Variants in SLC22A23 observed in about 807,000 individuals in gnomAD.
SLC22A23 encodes solute carrier family 22 member 23.
In SLC22A23, 26 loss-of-function variants were observed where a neutral mutation model predicts 61.0. The observed-to-expected ratio is 0.43, with a 90% CI of 0.31 to 0.59. The LOEUF (loss-of-function observed/expected upper bound fraction) is 0.59. Ranked by LOEUF, SLC22A23 falls within the 20% of genes least tolerant of loss-of-function variation. The probability of loss-of-function intolerance (pLI) is 0.11; values close to 1 mark genes in which losing one functional copy is unlikely to be tolerated. For missense variants in SLC22A23, 796 were observed against 934.7 expected (o/e 0.85, Z 1.94); for synonymous variants, 430 against 413.9 (o/e 1.04, Z -0.47).
At chr6:3,357,284 C>T (rs528549730) in intron 3 of SLC22A23, among the ~76,000 whole-genome samples, 1 of 152,308 alleles carries the variant, frequency 6.6e-6, no homozygotes, top group Admixed American at 6.5e-5. Flanking sequence ...AGCTGGAGGA[C>T]TTATCCCAGC....
rs930423869 is a variant in SLC22A23, at chr6:3,387,451, A to G, written c.913+22737T>C. Among the ~76,000 whole-genome samples, 1 of 152,272 alleles carries G rather than the reference A, an allele frequency of 6.6e-6. No homozygotes were observed. Among genetic ancestry groups the G allele is most frequent in the African/African-American group, 2.4e-5 (1 of 41,474 alleles). The stretch of plus-strand genomic sequence containing the variant: ...CAAAAGACAAACCCAAGGAACTGTC[A>G]CAGATCAGAGGCGACTGTGGAGACA... On this transcript the variant is annotated intron_variant, in intron 3 of 9. Coordinates refer to ENST00000406686, the MANE Select transcript of SLC22A23 (RefSeq NM_015482.2). This position sits in a 1 kb window ranked among gnomAD's most constrained non-coding sequence, Gnocchi z 5.0.
chr6:3,312,871 A>C (rs914830558), intron 4 of SLC22A23: 1 of 152,194 alleles, frequency 6.6e-6, no homozygotes, highest in African/African-American at 2.4e-5. Flanking sequence ...ACACAGATGC[A>C]TGCTGCCTGC....
rs576743365 is a variant in SLC22A23 at position 3,423,860 on chromosome 6, G to C, written c.655-8005C>G. Among the ~76,000 whole-genome samples the C allele has an allele frequency of 3.9e-5, 6 of 152,334 alleles. No homozygotes were observed. In the East Asian group the frequency reaches 9.6e-4, roughly 24 times the overall value. ...AGATGTCCCCATCAATTCCGGAAGAGAGCCAGTGGTGGGGAACTTCTGCTG... is the reference window on the plus strand; with the variant it reads ...AGATGTCCCCATCAATTCCGGAAGACAGCCAGTGGTGGGGAACTTCTGCTG... On this transcript the variant is annotated intron_variant, in intron 1 of 9. Transcript: ENST00000406686.
chr6:3,352,288 C>T (rs911297760), intron 3 of SLC22A23, among the ~76,000 whole-genome samples: 68 of 151,914 alleles, frequency 4.5e-4, no homozygotes, highest in Admixed American at 4.4e-3. Context: ...CACACACACA[C>T]ACAGCCATAG....
At chr6:3,280,653 G>A (rs1047903901) in intron 9 of SLC22A23, among the ~76,000 whole-genome samples, 54 of 151,688 alleles carry the variant, frequency 3.6e-4, no homozygotes, top group African/African-American at 1.2e-3. Context: ...CCGCCACCAC[G>A]CCCGGCTAAT....
rs1763531871 is a variant in SLC22A23, at chr6:3,330,629, T to A, written c.914-6627A>T. Among the ~76,000 whole-genome samples, 1 of 152,314 alleles carries A rather than the reference T, an allele frequency of 6.6e-6. No individual in the cohort carries two copies. The highest frequency in any genetic ancestry group is 6.5e-5 in the Admixed American group (1 of 15,308). ...TTGGGACATGTGATTGTGGAATTCC[T>A]TATTATAGCAGAAGGGCCTGAAATT... is the stretch of plus-strand genomic sequence containing the variant. On this transcript the variant is annotated intron_variant, in intron 3 of 9. Transcript: ENST00000406686. This position sits in a 1 kb window ranked among gnomAD's most constrained non-coding sequence, Gnocchi z 4.7.
Position 3,415,764 on chromosome 6 carries a change from C to A in SLC22A23, c.746G>T (p.Cys249Phe). 6.4e-7 allele frequency: 1 copy of A among 1,551,400 alleles called. No individual in the cohort carries two copies. Among genetic ancestry groups the A allele is most frequent in the Non-Finnish European group, 8.7e-7 (1 of 1,146,608 alleles). ...GLIFGYLITGCIADWVGRRPV... is the reference protein window; with the variant it reads ...GLIFGYLITGFIADWVGRRPV... ...TGTTGGTACTCACCAGTCAGCAATG[C>A]ATCCAGTTATTAGGTAGCCAAAGAT... Residue 249 changes from cysteine (C) to phenylalanine (F), a missense_variant, in exon 2 of 10, where the codon TGC becomes TTC. Cys to Phe is a radical substitution (Grantham distance 205, BLOSUM62 -2). Coordinates refer to ENST00000406686, the MANE Select transcript of SLC22A23 (RefSeq NM_015482.2).
intron 3 of SLC22A23, among the ~76,000 whole-genome samples, chr6:3,366,342 AAAAAAAAAAAAAAAAG>A (rs998647579): frequency 2.1e-5 from 3 of 145,530 alleles, no homozygotes; most frequent in African/African-American, 5.0e-5. Flanking sequence ...CAAAAAAAAA[AAAAAAAAAAAAAAAAG>A]AAAGAAAGAA....
rs2127318391 is a variant in SLC22A23 at position 3,286,001 on chromosome 6, C to T, written c.1546+858G>A. ...GCGCCCTGGGCTGGCCACGGAGATG[C>T]TGTGGTGGTTTGTCCATACACGGGA... On this transcript the variant is annotated intron_variant, in intron 7 of 9. Transcript: ENST00000406686. This position sits in a 1 kb window ranked among gnomAD's most constrained non-coding sequence, Gnocchi z 4.2. Among the ~76,000 whole-genome samples, 2 of 152,206 alleles carry T rather than the reference C, an allele frequency of 1.3e-5. No homozygotes were observed. The highest frequency in any genetic ancestry group is 4.2e-4 in the South Asian group (2 of 4,816).
At chr6:3,416,295 AG>A (rs1252844834) in intron 1 of SLC22A23, among the ~76,000 whole-genome samples, 4 of 152,276 alleles carry the variant, frequency 2.6e-5, no homozygotes, top group Non-Finnish European at 5.9e-5. Flanking sequence ...GGAGGTTAAA[AG>A]TAACTTTTGC....
chr6:3,308,936 C>T lies in SLC22A23; in HGVS notation c.1083-10718G>A, dbSNP rs1762177226. 6.6e-6 allele frequency among the ~76,000 whole-genome samples: 1 copy of T among 152,090 alleles called. No individual in the cohort carries two copies. Among genetic ancestry groups the T allele is most frequent in the South Asian group, 2.1e-4 (1 of 4,822 alleles). On this transcript the variant is annotated intron_variant, in intron 4 of 9. Transcript: ENST00000406686. The surrounding 1 kb of genome is among the most constrained non-coding windows in gnomAD (Gnocchi z 5.1). ...CCAGCCTGGGCGACAGAGCGAGACT[C>T]TGTCTCAAAAAACAAACAAACAAAC...
intron 3 of SLC22A23, among the ~76,000 whole-genome samples, chr6:3,398,674 A>T (rs1382695697): frequency 2.0e-5 from 3 of 151,258 alleles, no homozygotes; most frequent in Non-Finnish European, 3.0e-5. Flanking sequence ...CCCAGCTGCA[A>T]CCCTCCCTGC....
chr6:3,277,986 C>T (rs767101566), intron 9 of SLC22A23, among the ~76,000 whole-genome samples: 1 of 152,220 alleles, frequency 6.6e-6, no homozygotes, highest in Non-Finnish European at 1.5e-5. Context: ...AGGCTGCCAG[C>T]CCCACAGCCC....
At chr6:3,275,091 G>A (rs1172152599) in intron 9 of SLC22A23, among the ~76,000 whole-genome samples, 1 of 152,212 alleles carries the variant, frequency 6.6e-6, no homozygotes, top group East Asian at 1.9e-4. Context: ...AAAGCCATAC[G>A]GCTTAAGGCA....
chr6:3,396,419 G>A (rs909966522), intron 3 of SLC22A23, among the ~76,000 whole-genome samples: 1 of 152,124 alleles, frequency 6.6e-6, no homozygotes, highest in African/African-American at 2.4e-5. Flanking sequence ...AAATTAGCTG[G>A]GCATCTGTAG....
intron 3 of SLC22A23, among the ~76,000 whole-genome samples, chr6:3,370,831 CTA>C (rs1419597548): frequency 1.3e-5 from 2 of 152,236 alleles, no homozygotes; most frequent in Non-Finnish European, 2.9e-5. Context: ...GCAGCAGGGA[CTA>C]TTAAGTGTTC....
chr6:3,443,189 G>A (rs1427447011), intron 1 of SLC22A23, among the ~76,000 whole-genome samples: 1 of 152,246 alleles, frequency 6.6e-6, no homozygotes, highest in Non-Finnish European at 1.5e-5. Flanking sequence ...GGAAAGGCTT[G>A]GGGAAACCCT....
intron 5 of SLC22A23, among the ~76,000 whole-genome samples, chr6:3,292,614 T>G (rs1561873230): frequency 6.6e-6 from 1 of 152,236 alleles, no homozygotes; most frequent in Non-Finnish European, 1.5e-5. Flanking sequence ...AAGGCCATCC[T>G]GCAGCCCCTG....
intron 1 of SLC22A23, among the ~76,000 whole-genome samples, chr6:3,426,667 CTCTT>C (rs1770512984): frequency 6.6e-6 from 1 of 152,006 alleles, no homozygotes; most frequent in African/African-American, 2.4e-5. Context: ...TTCTTTCTTT[CTCTT>C]TTTTTTTCTT....
Sources: gnomAD v4.1 joint callset for allele counts (sites outside exome capture counted in the v4.1 genomes callset) on GRCh38, gnomAD v4.1.1 for gene constraint, Gnocchi (gnomAD v3.1) non-coding constraint, MANE v1.5 for transcripts, NCBI Gene and HGNC (gene_info 2026-07-23, HGNC 2026-07-21) for gene names.